CHRNE: variants seen among roughly 807,000 people sequenced by gnomAD.
The protein encoded by CHRNE is acetylcholine receptor subunit epsilon.
CHRNE carries 58 observed loss-of-function variants against 56.5 expected under a neutral mutation model. The ratio of observed to expected loss-of-function variants is 1.03; its 90% CI spans 0.83 to 1.28. The LOEUF is 1.28. Among genes scored for constraint, CHRNE ranks in the 50% most tolerant of loss-of-function variants. The probability of loss-of-function intolerance (pLI) is 0.00; values close to 1 mark genes in which losing one functional copy is unlikely to be tolerated. For missense variants in CHRNE, 793 were observed against 688.9 expected, an observed-to-expected ratio of 1.15 and a Z score of -1.69; for synonymous variants, 385 against 297.9, an observed-to-expected ratio of 1.29 and a Z score of -3.01.
chr17:4,902,087 A>T lies in CHRNE; in HGVS notation c.345T>A (p.Asn115Lys), dbSNP rs1388515362. The T allele has an allele frequency of 1.9e-6, 3 of 1,613,506 alleles. No homozygotes were observed. The highest frequency in any genetic ancestry group is 2.5e-6 in the Non-Finnish European group (3 of 1,179,914). ...VWLPEIVLENNIDGQFGVAYD... is the reference protein window; with the variant it reads ...VWLPEIVLENKIDGQFGVAYD... Reference sequence around the variant, plus strand: ...AGGCCACTCCGAACTGGCCATCAATACTGTGGGCTCGGGGAAACCGAGCTT... The same window carrying T: ...AGGCCACTCCGAACTGGCCATCAATTCTGTGGGCTCGGGGAAACCGAGCTT... Residue 115 changes from asparagine to lysine, a missense_variant and splice_region_variant, in exon 5 of 12, where the codon AAT becomes AAA. Physicochemically the swap from Asn to Lys is moderately conservative, Grantham distance 94. Transcript: ENST00000649488. The surrounding 1 kb of genome is among the most constrained non-coding windows in gnomAD (Gnocchi z 4.0).
Position 4,902,768 on chromosome 17 carries a change from G to A in CHRNE, c.47-5C>T, listed in dbSNP as rs753134441. 22 of 1,613,900 alleles carry A rather than the reference G, an allele frequency of 1.4e-5. No individual in the cohort carries two copies. The highest frequency in any genetic ancestry group is 3.3e-4 in the Middle Eastern group (2 of 6,084). ...CGTTCTTCCCCACACCCCTGCCTGC[G>A]ATGGGGTCAAGAAGGAAGGGTCATT... On this transcript the variant is annotated splice_region_variant and splice_polypyrimidine_tract_variant and intron_variant, in intron 1 of 11. Coordinates refer to ENST00000649488, the MANE Select transcript of CHRNE (RefSeq NM_000080.4). This position sits in a 1 kb window ranked among gnomAD's most constrained non-coding sequence, Gnocchi z 4.0.
chr17:4,898,890 T>G lies in CHRNE; in HGVS notation c.1328A>C (p.Glu443Ala). ...CCCCATGCGCACCCAGTCGGACACT[T>G]CCTGGGGAAGGGTCGGCACAGTCAG... Reference protein sequence around the residue: ...STRDQEATGEEVSDWVRMGNA... With the variant: ...STRDQEATGEAVSDWVRMGNA... Residue 443 changes from glutamate (E) to alanine (A), a missense_variant and splice_region_variant, in exon 12 of 12, where the codon GAA becomes GCA. Coordinates refer to ENST00000649488, the MANE Select transcript of CHRNE (RefSeq NM_000080.4). 6.3e-7 allele frequency: 1 copy of G among 1,577,822 alleles called. No individual in the cohort carries two copies. The highest frequency in any genetic ancestry group is 8.6e-7 in the Non-Finnish European group (1 of 1,162,226).
chr17:4,898,918 A>C (rs538405166), intron 11 of CHRNE, 27 bp from the exon 12 acceptor site: 1 of 1,569,550 alleles, frequency 6.4e-7, no homozygotes, highest in South Asian at 1.2e-5. Context: ...ACAGTCAGTA[A>C]AGAGGCAGCT....
intron 8 of CHRNE, chr17:4,900,478 A>C: frequency 1.9e-6 from 3 of 1,551,102 alleles, no homozygotes; most frequent in Non-Finnish European, 2.6e-6. Context: ...TCGCAACAGC[A>C]GCTAGGCCTC....
chr17:4,900,266 G>A (rs1003850421), intron 8 of CHRNE: 24 of 1,546,068 alleles, frequency 1.6e-5, no homozygotes, highest in Non-Finnish European at 2.0e-5. Flanking sequence ...AGCAGGAGGC[G>A]CGGCGACTAG....
In CHRNE at chr17:4,898,665, G is replaced by A. The variant is rs1969810620; in HGVS notation, c.*71C>T. 1 of 1,540,796 alleles carries A rather than the reference G, an allele frequency of 6.5e-7. No homozygotes were observed. Among genetic ancestry groups the A allele is most frequent in the Middle Eastern group, 1.8e-4 (1 of 5,592 alleles). On this transcript the variant is annotated 3_prime_UTR_variant, in exon 12 of 12. Transcript: ENST00000649488. The stretch of plus-strand genomic sequence containing the variant: ...CAGGGGGAAGGGATCATAATGCCGT[G>A]GTGGCGGCAGCCTACTTTTTCAAAA...
chr17:4,899,875 G>A, intron 8 of CHRNE: 1 of 1,549,234 alleles, frequency 6.5e-7, no homozygotes, highest in Non-Finnish European at 8.7e-7. Flanking sequence ...CTTCTGGGTA[G>A]GTCTCCTGTT....
At chr17:4,901,821 T>G in intron 5 of CHRNE, 111 bp downstream of exon 5, 1 of 1,506,750 alleles carries the variant, frequency 6.6e-7, no homozygotes, top group East Asian at 2.3e-5. Context: ...TACGCCTGGC[T>G]CCGCCTCCAG....
In CHRNE at chr17:4,898,238, C is replaced by T. The variant is rs1969785818; in HGVS notation, c.*498G>A. ...AGAAATGACTGTGGAAGGGTCAGGGCAGCCTCAGCCTTAAACCTGTGGGCC... is the reference window on the plus strand; with the variant it reads ...AGAAATGACTGTGGAAGGGTCAGGGTAGCCTCAGCCTTAAACCTGTGGGCC... On this transcript the variant is annotated 3_prime_UTR_variant, in exon 12 of 12. Transcript: ENST00000649488. 1 of 220,720 alleles carries T rather than the reference C, an allele frequency of 4.5e-6. No individual in the cohort carries two copies. The highest frequency in any genetic ancestry group is 9.3e-6 in the Non-Finnish European group (1 of 107,818). 13.7% of individuals were successfully genotyped at this position (220,720 alleles called of 1,614,324 possible). A position where few individuals can be genotyped will look rare whatever the true frequency, so the allele number is the denominator to read the frequency against.
rs749525283 is a variant in CHRNE, at chr17:4,898,825, G to A, written c.1393C>T (p.Leu465Phe). ...ATGAGGCTGGAGCCCACGCTGAAGA[G>A]CACCAGAGCGGCCCAGAAGCAGATG... ...DNICFWAALV[L>F]FSVGSSLIFL... The change falls in exon 12 of 12, where the codon CTC becomes TTC. Residue 465 changes from leucine to phenylalanine, a missense_variant. Leu to Phe is a conservative substitution (Grantham distance 22). Coordinates refer to ENST00000649488, the MANE Select transcript of CHRNE (RefSeq NM_000080.4). 1 of 1,600,014 alleles carries A rather than the reference G, an allele frequency of 6.2e-7. No individual in the cohort carries two copies. Among genetic ancestry groups the A allele is most frequent in the East Asian group, 2.3e-5 (1 of 44,412 alleles).
intron 1 of CHRNE, among the ~76,000 whole-genome samples, chr17:4,908,243 C>T (rs919660877): frequency 3.3e-5 from 5 of 152,144 alleles, no homozygotes; most frequent in Admixed American, 1.3e-4. Context: ...AGGAGAGGTG[C>T]GGGTTACAGT....
At chr17:4,901,839 C>T in intron 5 of CHRNE, 93 bp downstream of exon 5, 1 of 1,569,234 alleles carries the variant, frequency 6.4e-7, no homozygotes, top group Non-Finnish European at 8.7e-7. Flanking sequence ...CAGCGCGAAG[C>T]CCCGCCCCGA....
rs757968612 is a variant in CHRNE, at chr17:4,899,375, C to G, written c.1042G>C (p.Glu348Gln). 6.5e-7 allele frequency: 1 copy of G among 1,533,336 alleles called. No homozygotes were observed. Among genetic ancestry groups the G allele is most frequent in the Non-Finnish European group, 8.7e-7 (1 of 1,144,752 alleles). 95.0% of individuals were successfully genotyped at this position (1,533,336 alleles called of 1,614,324 possible). ...GAGCCCAGGAGGCGCGGCAGCAGCT[C>G]CAGGAGAACCTGGGGCAGGGGCGGG... Reference protein sequence around the residue: ...MSPRLRHVLLELLPRLLGSPP... With the variant: ...MSPRLRHVLLQLLPRLLGSPP... The change falls in exon 10 of 12, where the codon GAG becomes CAG. Residue 348 changes from glutamate to glutamine, a missense_variant. By Grantham distance (29) the Glu-to-Gln change is conservative. Transcript: ENST00000649488.
At position 4,902,779 on chromosome 17, in the gene CHRNE, G is replaced by T. The variant is rs754193917; in HGVS notation, c.47-16C>A. 6.2e-7 allele frequency: 1 copy of T among 1,614,038 alleles called. No homozygotes were observed. The highest frequency in any genetic ancestry group is 1.7e-5 in the Admixed American group (1 of 60,016). On this transcript the variant is annotated splice_polypyrimidine_tract_variant and intron_variant, in intron 1 of 11. Coordinates refer to ENST00000649488, the MANE Select transcript of CHRNE (RefSeq NM_000080.4). This position sits in a 1 kb window ranked among gnomAD's most constrained non-coding sequence, Gnocchi z 4.0. ...ACACCCCTGCCTGCGATGGGGTCAA[G>T]AAGGAAGGGTCATTGGCAATGAAGA... is the stretch of plus-strand genomic sequence containing the variant.
At chr17:4,900,100 A>AG in intron 8 of CHRNE, 1 of 1,550,760 alleles carries the variant, frequency 6.4e-7, no homozygotes, top group Non-Finnish European at 8.7e-7. Context: ...TGGTGTTGAG[A>AG]GAAGCCACAG....
chr17:4,898,712 G>A lies in CHRNE; in HGVS notation c.*24C>T, dbSNP rs371649855. 2.1e-5 allele frequency: 33 copies of A among 1,604,518 alleles called. No homozygotes were observed. Among genetic ancestry groups the A allele is most frequent in the African/African-American group, 5.3e-5 (4 of 74,988 alleles). ...AAAATCAATTTCCTACTGGAGATGG[G>A]TGGGAAATTGAAGTCGGTGCGAGCT... On this transcript the variant is annotated 3_prime_UTR_variant, in exon 12 of 12. Transcript: ENST00000649488.
chr17:4,902,551 T>C lies in CHRNE; in HGVS notation c.190-57A>G, dbSNP rs1440766081. 2 of 1,613,974 alleles carry C rather than the reference T, an allele frequency of 1.2e-6. No individual in the cohort carries two copies. The highest frequency in any genetic ancestry group is 1.3e-5 in the African/African-American group (1 of 74,908). ...AGATTTCAGGGCCAGAAGTGAGCTT[T>C]AGGACAGAGCTCAGCGGTTGGGGCC... On this transcript the variant is annotated intron_variant, in intron 2 of 11. Coordinates refer to ENST00000649488, the MANE Select transcript of CHRNE (RefSeq NM_000080.4). This position sits in a 1 kb window ranked among gnomAD's most constrained non-coding sequence, Gnocchi z 4.0.
At position 4,899,397 on chromosome 17, in the gene CHRNE, C is replaced by G. The variant is rs1567636730; in HGVS notation, c.1033-13G>C. The G allele has an allele frequency of 6.5e-7, 1 of 1,534,942 alleles. No homozygotes were observed. The highest frequency in any genetic ancestry group is 8.7e-7 in the Non-Finnish European group (1 of 1,143,744). On this transcript the variant is annotated splice_polypyrimidine_tract_variant and intron_variant, in intron 9 of 11. Transcript: ENST00000649488. ...GCTCCAGGAGAACCTGGGGCAGGGG[C>G]GGGGCTTAGGGGACGAGGTTAGTAC...
rs1969877796 is a variant in CHRNE, at chr17:4,899,486, C to T, written c.1014G>A (p.Met338Ile). The T allele has an allele frequency of 3.1e-6, 5 of 1,599,916 alleles. No homozygotes were observed. Among genetic ancestry groups the T allele is most frequent in the Non-Finnish European group, 4.3e-6 (5 of 1,174,784 alleles). Residue 338 changes from methionine to isoleucine, a missense_variant, in exon 9 of 12, where the codon ATG (methionine) becomes ATA (isoleucine). Physicochemically the swap from Met to Ile is conservative, Grantham distance 10. Transcript: ENST00000649488. ...CGCTTACGTGGCGCAGCCGCGGGGACATGGCGTGGGTGGTGGGCGTCCGCT... is the reference window on the plus strand; with the variant it reads ...CGCTTACGTGGCGCAGCCGCGGGGATATGGCGTGGGTGGTGGGCGTCCGCT... ...VSQRTPTTHA[M>I]SPRLRHVLLE...
Sources: gnomAD v4.1 joint callset for allele counts (sites outside exome capture counted in the v4.1 genomes callset) on GRCh38, gnomAD v4.1.1 for gene constraint, Gnocchi (gnomAD v3.1) non-coding constraint, MANE v1.5 for transcripts, NCBI Gene and HGNC (gene_info 2026-07-23, HGNC 2026-07-21) for gene names.